MBNL2: variants seen among roughly 807,000 people sequenced by gnomAD.
MBNL2 encodes muscleblind-like protein 2.
A neutral mutation model predicts 41.9 loss-of-function variants in MBNL2; 17 were observed. The observed-to-expected ratio is 0.41, with a 90% confidence interval of 0.28 to 0.61. The LOEUF (loss-of-function observed/expected upper bound fraction) is 0.61. MBNL2 is among the 20% of genes least tolerant of loss of function. The probability of loss-of-function intolerance (pLI) is 0.35; values close to 1 mark genes in which losing one functional copy is unlikely to be tolerated. For missense variants in MBNL2, 336 were observed against 505.6 expected, an observed-to-expected ratio of 0.66 and a Z score of 3.22; for synonymous variants, 195 against 182.9, an observed-to-expected ratio of 1.07 and a Z score of -0.53.
intron 1 of MBNL2, among the ~76,000 whole-genome samples, chr13:97,259,309 A>G (rs4771988): frequency 0.74 from 112,337 of 152,042 alleles, 41,798 homozygotes; most frequent in African/African-American, 0.81. Flanking sequence ...GAAGAAGAAT[A>G]AAACCTCTGG....
chr13:97,270,718 CTAG>C (rs1411903001), intron 1 of MBNL2, among the ~76,000 whole-genome samples: 2 of 152,170 alleles, frequency 1.3e-5, no homozygotes, highest in Non-Finnish European at 2.9e-5. Context: ...AACTGGCAGG[CTAG>C]TAAGTCCAAT....
chr13:97,310,639 C>T (rs564243419), intron 2 of MBNL2, among the ~76,000 whole-genome samples: 54 of 152,146 alleles, frequency 3.5e-4, no homozygotes, highest in African/African-American at 1.2e-3. Flanking sequence ...GCGTGTTAGC[C>T]AGGATGGCCT....
chr13:97,367,626 A>G (rs2063964670), intron 8 of MBNL2, among the ~76,000 whole-genome samples: 1 of 152,126 alleles, frequency 6.6e-6, no homozygotes, highest in African/African-American at 2.4e-5. Flanking sequence ...TCATCCCTAC[A>G]AAGAGAGGCG....
intron 6 of MBNL2, 38 bp downstream of exon 6, chr13:97,356,887 T>C (rs1299782960): frequency 3.1e-6 from 4 of 1,291,210 alleles, no homozygotes; most frequent in Non-Finnish European, 4.2e-6. Flanking sequence ...GCATGTAGCT[T>C]TTCAGAGAAC....
intron 2 of MBNL2, among the ~76,000 whole-genome samples, chr13:97,314,679 T>C (rs2153028870): frequency 6.6e-6 from 1 of 152,344 alleles, no homozygotes; most frequent in Non-Finnish European, 1.5e-5. Flanking sequence ...GCCATGCTAT[T>C]TTTTCTTCTT....
chr13:97,146,504 C>G, the MBNL2 span, among the ~76,000 whole-genome samples: 1 of 152,110 alleles, frequency 6.6e-6, no homozygotes, highest in Non-Finnish European at 1.5e-5. Context: ...AGGGATCTCA[C>G]TTGATTGGTG....
chr13:97,166,782 T>TGATAGATAGATA, the MBNL2 span, among the ~76,000 whole-genome samples: 91 of 139,980 alleles, frequency 6.5e-4, no homozygotes, highest in Non-Finnish European at 7.2e-4. Context: ...AAACTTCCCT[T>TGATAGATAGATA]GATAGATAGA....
chr13:97,194,443 C>G, the MBNL2 span, among the ~76,000 whole-genome samples: 1 of 152,202 alleles, frequency 6.6e-6, no homozygotes, highest in Admixed American at 6.5e-5. Flanking sequence ...AAGACCCCTG[C>G]CCACCCATTC....
chr13:97,220,509 T>A (rs957593259), upstream of MBNL2, among the ~76,000 whole-genome samples: 5 of 152,122 alleles, frequency 3.3e-5, no homozygotes, highest in African/African-American at 1.2e-4. Context: ...GAGAAAAAGT[T>A]GAGTTGAAAG....
At chr13:97,158,487 T>C in the MBNL2 span, among the ~76,000 whole-genome samples, 1 of 152,090 alleles carries the variant, frequency 6.6e-6, no homozygotes, top group Non-Finnish European at 1.5e-5. Context: ...ATTGTGATGT[T>C]AGGGTGTCAA....
At chr13:97,307,310 T>C (rs997926067) in intron 2 of MBNL2, among the ~76,000 whole-genome samples, 13 of 152,154 alleles carry the variant, frequency 8.5e-5, no homozygotes, top group African/African-American at 3.1e-4. Flanking sequence ...TGAACTTCCA[T>C]TGATTTTTCC....
the MBNL2 span, among the ~76,000 whole-genome samples, chr13:97,178,271 G>A: frequency 6.6e-6 from 1 of 152,124 alleles, no homozygotes; most frequent in African/African-American, 2.4e-5. Context: ...AAATGGAACT[G>A]ATTTATTTAT....
At chr13:97,162,405 T>C in the MBNL2 span, among the ~76,000 whole-genome samples, 245 of 152,326 alleles carry the variant, frequency 1.6e-3, 1 homozygote, top group African/African-American at 5.4e-3. Flanking sequence ...GTCCATGAGT[T>C]GGGGCTTATA....
At chr13:97,235,967 C>T (rs779234996) in intron 1 of MBNL2, among the ~76,000 whole-genome samples, 4 of 152,084 alleles carry the variant, frequency 2.6e-5, no homozygotes, top group Non-Finnish European at 5.9e-5. Flanking sequence ...TCAGCCTATC[C>T]GCAAATTTGA....
intron 2 of MBNL2, among the ~76,000 whole-genome samples, chr13:97,326,947 C>A (rs2153049958): frequency 6.6e-6 from 1 of 152,314 alleles, no homozygotes; most frequent in East Asian, 1.9e-4. Flanking sequence ...GCCTATGTGA[C>A]TGAGACCTGT....
chr13:97,210,352 T>A, the MBNL2 span, among the ~76,000 whole-genome samples: 2 of 152,162 alleles, frequency 1.3e-5, no homozygotes, highest in African/African-American at 2.4e-5. Flanking sequence ...TTAAAATTAC[T>A]TTTAGAACAT....
chr13:97,357,201 TC>T (rs2063067092), intron 6 of MBNL2, among the ~76,000 whole-genome samples: 1 of 152,202 alleles, frequency 6.6e-6, no homozygotes, highest in South Asian at 2.1e-4. Flanking sequence ...ATAGTTTAAC[TC>T]ATTTTAAAAG....
Position 97,347,183 on chromosome 13 carries a change from T to G in MBNL2, c.804+116T>G, listed in dbSNP as rs2061962759. The stretch of plus-strand genomic sequence containing the variant: ...AAACATGGAAGGCTGCTATTCCTGC[T>G]GCTCCGCTGCCTAAGTTTTGCTGTT... On this transcript the variant is annotated intron_variant, in intron 5 of 8. Coordinates refer to ENST00000679496, the MANE Select transcript of MBNL2 (RefSeq NM_001382683.1). 4 of 790,826 alleles carry G rather than the reference T, an allele frequency of 5.1e-6. 1 individual carries two copies. Among genetic ancestry groups the G allele is most frequent in the Non-Finnish European group, 7.6e-6 (4 of 526,408 alleles). 49.0% of individuals were successfully genotyped at this position (790,826 alleles called of 1,614,324 possible). A position where few individuals can be genotyped will look rare whatever the true frequency, so the allele number is the denominator to read the frequency against.
At chr13:97,281,014 C>G (rs892702849) in intron 2 of MBNL2, among the ~76,000 whole-genome samples, 1 of 152,190 alleles carries the variant, frequency 6.6e-6, no homozygotes, top group Non-Finnish European at 1.5e-5. Flanking sequence ...TTATCTGTCT[C>G]CCTCCTCCAC....
Sources: gnomAD v4.1 joint callset for allele counts (sites outside exome capture counted in the v4.1 genomes callset) on GRCh38, gnomAD v4.1.1 for gene constraint, MANE v1.5 for transcripts, NCBI Gene and HGNC (gene_info 2026-07-23, HGNC 2026-07-21) for gene names.